The following HTR7 variants were observed in gnomAD, a reference collection of about 807,000 sequenced individuals.
HTR7 encodes the protein 5-hydroxytryptamine receptor 7.
A neutral mutation model predicts 34.0 loss-of-function variants in HTR7; 16 were observed. The observed-to-expected ratio is 0.47, with a 90% CI of 0.32 to 0.71. The LOEUF is 0.71. Ranked by LOEUF, HTR7 falls within the 30% of genes least tolerant of loss-of-function variation. The probability of loss-of-function intolerance (pLI) is 0.04; values close to 1 mark genes in which losing one functional copy is unlikely to be tolerated. For missense variants in HTR7, 504 were observed against 625.5 expected (o/e 0.81, Z 2.07); for synonymous variants, 265 against 260.2 (o/e 1.02, Z -0.18).
chr10:90,746,828 G>A (rs140442038), intron 2 of HTR7, among the ~76,000 whole-genome samples: 3 of 152,136 alleles, frequency 2.0e-5, no homozygotes, highest in African/African-American at 4.8e-5. Context: ...CAATATCCTT[G>A]CCTTATTTCC....
At chr10:90,843,985 T>A (rs955209705) in intron 1 of HTR7, among the ~76,000 whole-genome samples, 21 of 152,250 alleles carry the variant, frequency 1.4e-4, no homozygotes. Context: ...CCCACACATT[T>A]GCATATTATC....
intron 1 of HTR7, among the ~76,000 whole-genome samples, chr10:90,849,839 G>T (rs1051903821): frequency 1.3e-5 from 2 of 152,098 alleles, no homozygotes; most frequent in South Asian, 4.2e-4. Flanking sequence ...ACTCACACAC[G>T]CATGCACGCT....
intron 2 of HTR7, 53 bp from the exon 3 acceptor site, chr10:90,743,743 GA>G: frequency 2.3e-6 from 3 of 1,308,776 alleles, no homozygotes; most frequent in Admixed American, 1.8e-5. Flanking sequence ...AATTTTAAAA[GA>G]AAAAAAGAAT....
chr10:90,821,119 A>AC (rs1845971735), intron 1 of HTR7, among the ~76,000 whole-genome samples: 1 of 124,032 alleles, frequency 8.1e-6, no homozygotes, highest in Non-Finnish European at 1.6e-5. Context: ...CACTCACACA[A>AC]ACACACACAC....
chr10:90,831,705 G>C (rs1042199617), intron 1 of HTR7, among the ~76,000 whole-genome samples: 16 of 152,180 alleles, frequency 1.1e-4, no homozygotes, highest in African/African-American at 3.9e-4. Flanking sequence ...CGTTTTGACA[G>C]GGTGCTGATT....
chr10:90,787,505 A>G (rs1845398573), intron 1 of HTR7, among the ~76,000 whole-genome samples: 1 of 152,098 alleles, frequency 6.6e-6, no homozygotes, highest in South Asian at 2.1e-4. Context: ...AAAAATAAAA[A>G]TAAAAAAAAT....
At chr10:90,771,223 G>A (rs1845104752) in intron 1 of HTR7, among the ~76,000 whole-genome samples, 1 of 152,190 alleles carries the variant, frequency 6.6e-6, no homozygotes, top group African/African-American at 2.4e-5. Context: ...GAAAGGAGCT[G>A]CACCCTGTGG....
intron 1 of HTR7, among the ~76,000 whole-genome samples, chr10:90,800,374 A>G (rs2119918979): frequency 6.6e-6 from 1 of 152,308 alleles, no homozygotes; most frequent in East Asian, 1.9e-4. Flanking sequence ...CCTCTTGGCC[A>G]AAGAAACCCT....
At chr10:90,802,504 G>A (rs571107678) in intron 1 of HTR7, among the ~76,000 whole-genome samples, 1 of 152,298 alleles carries the variant, frequency 6.6e-6, no homozygotes, top group South Asian at 2.1e-4. Flanking sequence ...GGCTTTAAAT[G>A]AAGAGGCTTT....
At chr10:90,816,916 G>T (rs535896279) in intron 1 of HTR7, among the ~76,000 whole-genome samples, 6 of 152,184 alleles carry the variant, frequency 3.9e-5, no homozygotes, top group Non-Finnish European at 8.8e-5. Flanking sequence ...CTCTTTTATT[G>T]CATAAAAGGT....
Position 90,757,455 on chromosome 10 carries a change from C to T in HTR7, c.540-7861G>A, listed in dbSNP as rs146678290. 1.1e-4 allele frequency among the ~76,000 whole-genome samples: 16 copies of T among 152,258 alleles called. No homozygotes were observed. In the East Asian group the frequency reaches 1.7e-3, roughly 17 times the overall value. On this transcript the variant is annotated intron_variant, in intron 1 of 3. Coordinates refer to ENST00000336152, the MANE Select transcript of HTR7 (RefSeq NM_019859.4). ...GAAGACTGGTAAATCCTGAGCTTAG[C>T]GGGATGTTGTCTGGTCCAGGACATC...
intron 1 of HTR7, among the ~76,000 whole-genome samples, chr10:90,759,100 T>C (rs1349015766): frequency 2.0e-5 from 3 of 151,162 alleles, no homozygotes; most frequent in Admixed American, 2.0e-4. Flanking sequence ...GGCAGGAGAA[T>C]TGCTTGAACC....
At position 90,845,859 on chromosome 10, in the gene HTR7, G is replaced by A. The variant is rs1004267863; in HGVS notation, c.539+11274C>T. Reference sequence around the variant, plus strand: ...GCTTTCCCCCTGGACCCTTCACTCCGTGATCTTCTGCCCAAGAATTTTGTT... The same window carrying A: ...GCTTTCCCCCTGGACCCTTCACTCCATGATCTTCTGCCCAAGAATTTTGTT... On this transcript the variant is annotated intron_variant, in intron 1 of 3. Coordinates refer to ENST00000336152, the MANE Select transcript of HTR7 (RefSeq NM_019859.4). Among the ~76,000 whole-genome samples the A allele has an allele frequency of 5.9e-5, 9 of 152,302 alleles. No homozygotes were observed. In the South Asian group the frequency reaches 8.3e-4, roughly 14 times the overall value.
At chr10:90,823,712 A>G (rs1052067993) in intron 1 of HTR7, among the ~76,000 whole-genome samples, 1 of 152,194 alleles carries the variant, frequency 6.6e-6, no homozygotes, top group Non-Finnish European at 1.5e-5. Context: ...CAAATCTCAT[A>G]ATGACCTACA....
intron 1 of HTR7, among the ~76,000 whole-genome samples, chr10:90,811,517 G>A (rs1188493867): frequency 1.3e-5 from 2 of 151,858 alleles, no homozygotes; most frequent in East Asian, 1.9e-4. Context: ...AGGCGTAATC[G>A]CCACACACCA....
intron 1 of HTR7, among the ~76,000 whole-genome samples, chr10:90,847,223 G>A (rs549008006): frequency 1.3e-5 from 2 of 152,090 alleles, no homozygotes; most frequent in African/African-American, 4.8e-5. Flanking sequence ...ACCTCACAAT[G>A]TTGTAGAGGG....
chr10:90,748,952 G>T lies in HTR7; in HGVS notation c.1182C>A (p.Thr394=). Residue 394 remains threonine (T), a synonymous_variant, in exon 2 of 4, where the codon ACC becomes ACA. Coordinates refer to ENST00000336152, the MANE Select transcript of HTR7 (RefSeq NM_019859.4). ...ACTGGCACTGGAGCAGGCTGCGATA[G>T]GTGGTCCTCAGGTCCCGGTTGAAGA... ...YAFFNRDLRT[T]YRSLLQCQYR... 1 of 1,614,180 alleles carries T rather than the reference G, an allele frequency of 6.2e-7. No homozygotes were observed. Among genetic ancestry groups the T allele is most frequent in the South Asian group, 1.1e-5 (1 of 91,076 alleles).
intron 1 of HTR7, among the ~76,000 whole-genome samples, chr10:90,773,912 A>T (rs1845162508): frequency 6.6e-6 from 1 of 152,190 alleles, no homozygotes; most frequent in African/African-American, 2.4e-5. Context: ...AGCAACAAAC[A>T]TGGGAGTGCA....
intron 1 of HTR7, among the ~76,000 whole-genome samples, chr10:90,827,024 T>TCAAAA (rs370378147): frequency 1.3e-4 from 20 of 151,332 alleles, no homozygotes; most frequent in Admixed American, 2.6e-4. Flanking sequence ...CATAGTAACT[T>TCAAAA]CAAAACAAAA....
Sources: gnomAD v4.1 joint callset for allele counts (sites outside exome capture counted in the v4.1 genomes callset) on GRCh38, gnomAD v4.1.1 for gene constraint, MANE v1.5 for transcripts, NCBI Gene and HGNC (gene_info 2026-07-23, HGNC 2026-07-21) for gene names.